Variants in SUPT3H observed in about 807,000 individuals in gnomAD.
SUPT3H encodes the protein transcription initiation protein SPT3 homolog.
A neutral mutation model predicts 44.3 loss-of-function variants in SUPT3H; 44 were observed. The ratio of observed to expected loss-of-function variants is 0.99; its 90% CI spans 0.78 to 1.28. The LOEUF is 1.28. Ranked by LOEUF, SUPT3H falls within the 50% of genes most tolerant of loss-of-function variation. The pLI is 0.00. For missense variants in SUPT3H, 380 were observed against 387.1 expected (o/e 0.98, Z 0.15); for synonymous variants, 124 against 125.6 (o/e 0.99, Z 0.09).
chr6:45,037,313 A>G lies in SUPT3H; in HGVS notation c.187-16681T>C, dbSNP rs188127614. On this transcript the variant is annotated intron_variant, in intron 3 of 10. Coordinates refer to ENST00000371459, the MANE Select transcript of SUPT3H (RefSeq NM_003599.4). ...GAAAAGAAAAGATGCAGAAAAAAAA[A>G]GAAAAGAAGAGACTATGAAAGTAGA... is the stretch of plus-strand genomic sequence containing the variant. Among the ~76,000 whole-genome samples the G allele has an allele frequency of 9.8e-3, 1,493 of 151,918 alleles. 15 individuals carry two copies. Among genetic ancestry groups the G allele is most frequent in the Non-Finnish European group, 0.012 (845 of 67,930 alleles).
chr6:44,887,113 T>C (rs1762436317), intron 10 of SUPT3H, among the ~76,000 whole-genome samples: 1 of 152,180 alleles, frequency 6.6e-6, no homozygotes, highest in Non-Finnish European at 1.5e-5. Context: ...CCCAGTTTCA[T>C]AAAGCAAGTC....
At chr6:45,359,989 CTG>C (rs1408257401) in intron 2 of SUPT3H, among the ~76,000 whole-genome samples, 2 of 152,286 alleles carry the variant, frequency 1.3e-5, no homozygotes, top group East Asian at 3.9e-4. Flanking sequence ...GAGCAATCAA[CTG>C]AAAAAACATT....
At chr6:45,184,037 C>T (rs1352161210) in intron 2 of SUPT3H, among the ~76,000 whole-genome samples, 1 of 152,116 alleles carries the variant, frequency 6.6e-6, no homozygotes, top group African/African-American at 2.4e-5. Context: ...TTTGTCAGAA[C>T]ATACAGGATG....
rs1238335568 is a variant in SUPT3H at position 44,879,591 on chromosome 6, C to T, written c.913-49734G>A. 4.0e-5 allele frequency among the ~76,000 whole-genome samples: 6 copies of T among 150,542 alleles called. No individual in the cohort carries two copies. In the East Asian group the frequency reaches 9.7e-4, roughly 24 times the overall value. ...TCGAGCTCTGCCAAGGGACAGGCTGCCTCCTCAAGTGGGGCCCTGACCCCC... is the reference window on the plus strand; with the variant it reads ...TCGAGCTCTGCCAAGGGACAGGCTGTCTCCTCAAGTGGGGCCCTGACCCCC... On this transcript the variant is annotated intron_variant, in intron 10 of 10. Coordinates refer to ENST00000371459, the MANE Select transcript of SUPT3H (RefSeq NM_003599.4).
intron 9 of SUPT3H, among the ~76,000 whole-genome samples, chr6:44,938,362 T>C (rs1010176602): frequency 2.0e-5 from 3 of 152,174 alleles, no homozygotes; most frequent in Non-Finnish European, 2.9e-5. Flanking sequence ...CTTGTTAACT[T>C]AGGCAAAGTT....
rs114131469 is a variant in SUPT3H at position 45,055,418 on chromosome 6, T to A, written c.187-34786A>T. 1.6e-3 allele frequency among the ~76,000 whole-genome samples: 245 copies of A among 152,226 alleles called. 2 individuals are homozygous for A. Among genetic ancestry groups the A allele is most frequent in the African/African-American group, 5.6e-3 (234 of 41,538 alleles). On this transcript the variant is annotated intron_variant, in intron 3 of 10. Transcript: ENST00000371459. ...TGGCAACACAGTACCCAACTTCAAA[T>A]TATACTATTAATACATGGCTGTATT...
chr6:44,898,450 T>C (rs1764440725), intron 10 of SUPT3H, among the ~76,000 whole-genome samples: 1 of 152,182 alleles, frequency 6.6e-6, no homozygotes, highest in Non-Finnish European at 1.5e-5. Flanking sequence ...AGCATTACTC[T>C]ATCAGCTACG....
Position 45,098,625 on chromosome 6 carries a change from A to G in SUPT3H, c.186+7297T>C, listed in dbSNP as rs373516980. 1.1e-4 allele frequency: 37 copies of G among 332,358 alleles called. 1 individual carries two copies. In the East Asian group the frequency reaches 2.2e-3, roughly 20 times the overall value. The allele number at this position is 332,358 out of a possible 1,614,324, so 20.6% of individuals were successfully genotyped here. ...TGCCAATCAGAATATTATGGAATCA[A>G]TGATCCAGAAACAGATAAGCATCTA... On this transcript the variant is annotated intron_variant, in intron 3 of 10. Transcript: ENST00000371459.
chr6:44,975,125 C>T (rs958546023), intron 6 of SUPT3H, among the ~76,000 whole-genome samples: 2 of 151,842 alleles, frequency 1.3e-5, no homozygotes, highest in East Asian at 1.9e-4. Flanking sequence ...GAGCAGAGAT[C>T]GGGCCACTGC....
chr6:44,899,516 T>A (rs1582340765), intron 10 of SUPT3H, among the ~76,000 whole-genome samples: 1 of 152,002 alleles, frequency 6.6e-6, no homozygotes, highest in Non-Finnish European at 1.5e-5. Flanking sequence ...TGAAACCCCG[T>A]TTCTAATAAA....
chr6:45,333,649 CA>C (rs1226950206), intron 2 of SUPT3H, among the ~76,000 whole-genome samples: 6 of 151,206 alleles, frequency 4.0e-5, no homozygotes, highest in African/African-American at 1.5e-4. Flanking sequence ...AAAAAACAAT[CA>C]TTTTTTATAT....
In SUPT3H at chr6:44,820,175, C is replaced by T. The variant is rs1301497746; in HGVS notation, c.*52+9589G>A. Among the ~76,000 whole-genome samples the T allele has an allele frequency of 3.3e-5, 5 of 152,092 alleles. No individual in the cohort carries two copies. The East Asian group carries it at 5.8e-4, about 18-fold the overall frequency. Reference sequence around the variant, plus strand: ...CAGGGGTTGCGGTGAGCCAGGATCACGCCACTGTACTCCAGCCTAGGTAAC... The same window carrying T: ...CAGGGGTTGCGGTGAGCCAGGATCATGCCACTGTACTCCAGCCTAGGTAAC... On this transcript the variant is annotated intron_variant and NMD_transcript_variant, in intron 11 of 11. Transcript: ENST00000475057.
At chr6:45,176,083 G>T (rs958951142) in intron 2 of SUPT3H, among the ~76,000 whole-genome samples, 1 of 152,120 alleles carries the variant, frequency 6.6e-6, no homozygotes, top group Non-Finnish European at 1.5e-5. Context: ...CAAGATGGCC[G>T]AATAGGAACA....
intron 2 of SUPT3H, among the ~76,000 whole-genome samples, chr6:45,200,688 A>C (rs553331684): frequency 1.3e-5 from 2 of 151,630 alleles, no homozygotes; most frequent in African/African-American, 4.8e-5. Context: ...CACAGTTATT[A>C]AGTGACAGTT....
chr6:44,923,091 T>A (rs638812), intron 10 of SUPT3H, among the ~76,000 whole-genome samples: 1 of 152,164 alleles, frequency 6.6e-6, no homozygotes, highest in African/African-American at 2.4e-5. Flanking sequence ...CTATTTGGTA[T>A]AAATTACCCC....
chr6:44,995,150 T>C (rs1582956474), intron 6 of SUPT3H, among the ~76,000 whole-genome samples: 1 of 135,374 alleles, frequency 7.4e-6, no homozygotes, highest in Admixed American at 7.8e-5. Flanking sequence ...AAACTATAGC[T>C]GAATAAAACA....
At chr6:44,928,708 C>G (rs1769941954) in intron 10 of SUPT3H, among the ~76,000 whole-genome samples, 1 of 150,920 alleles carries the variant, frequency 6.6e-6, no homozygotes, top group African/African-American at 2.4e-5. Context: ...ACGGTGAAAC[C>G]CCGTCTCTAC....
chr6:44,882,076 C>A (rs1481970471), intron 10 of SUPT3H, among the ~76,000 whole-genome samples: 1 of 151,876 alleles, frequency 6.6e-6, no homozygotes, highest in Non-Finnish European at 1.5e-5. Context: ...AAAAACCCTT[C>A]AAAAAAATCA....
chr6:44,866,093 A>G (rs1483284970), intron 10 of SUPT3H, among the ~76,000 whole-genome samples: 1 of 146,572 alleles, frequency 6.8e-6, no homozygotes, highest in Non-Finnish European at 1.5e-5. Context: ...ATAATTTAGA[A>G]AGCCTACATC....
Sources: gnomAD v4.1 joint callset for allele counts (sites outside exome capture counted in the v4.1 genomes callset) on GRCh38, gnomAD v4.1.1 for gene constraint, MANE v1.5 for transcripts, NCBI Gene and HGNC (gene_info 2026-07-23, HGNC 2026-07-21) for gene names.